Variants in CUX2 observed in about 807,000 individuals in gnomAD.
CUX2 encodes homeobox protein cut-like 2.
Under a neutral mutation model 144.8 loss-of-function variants are expected in CUX2, and 40 were observed. The observed-to-expected ratio is 0.28, with a 90% CI of 0.21 to 0.36. The LOEUF (loss-of-function observed/expected upper bound fraction) is 0.36. Ranked by LOEUF, CUX2 falls within the 10% of genes least tolerant of loss-of-function variation. The pLI, the probability that CUX2 is intolerant of heterozygous loss-of-function variation, is 1.00. For missense variants in CUX2, 1,615 were observed against 1,994.0 expected (o/e 0.81, Z 3.62); for synonymous variants, 827 against 875.6 (o/e 0.94, Z 0.98).
At chr12:111,200,971 C>T (rs1309300669) in intron 1 of CUX2, among the ~76,000 whole-genome samples, 5 of 152,180 alleles carry the variant, frequency 3.3e-5, no homozygotes, top group African/African-American at 1.2e-4. Context: ...TCCTTGCTCT[C>T]ATTTAAACAA....
chr12:111,326,672 G>A (rs1592972683), intron 18 of CUX2, among the ~76,000 whole-genome samples: 1 of 152,060 alleles, frequency 6.6e-6, no homozygotes, highest in Non-Finnish European at 1.5e-5. Flanking sequence ...GGGAGGCCGA[G>A]GCGGGCCGAT....
chr12:111,159,838 A>G (rs1250928513), intron 1 of CUX2, among the ~76,000 whole-genome samples: 1 of 152,232 alleles, frequency 6.6e-6, no homozygotes, highest in African/African-American at 2.4e-5. Flanking sequence ...CAGCCTGGCC[A>G]ACATGGTGAA....
Position 111,249,381 on chromosome 12 carries a change from A to G in CUX2, c.223-14380A>G, listed in dbSNP as rs1000187641. On this transcript the variant is annotated intron_variant, in intron 3 of 21. Coordinates refer to ENST00000261726, the MANE Select transcript of CUX2 (RefSeq NM_015267.4). ...AACTGACATGATAAGCACTGAGAAA[A>G]AGTCCCGGGTGCTATTGCCTTTTTT... Among the ~76,000 whole-genome samples, 15 of 150,468 alleles carry G rather than the reference A, an allele frequency of 1.0e-4. No homozygotes were observed. The South Asian group carries it at 1.9e-3, about 19-fold the overall frequency.
chr12:111,124,953 A>G (rs954196925), intron 1 of CUX2, among the ~76,000 whole-genome samples: 1 of 152,068 alleles, frequency 6.6e-6, no homozygotes, highest in Non-Finnish European at 1.5e-5. Context: ...CTAATGATTC[A>G]CCTTGGGGAA....
At chr12:111,052,085 C>G (rs533559788) in intron 1 of CUX2, among the ~76,000 whole-genome samples, 2 of 152,074 alleles carry the variant, frequency 1.3e-5, no homozygotes, top group Non-Finnish European at 2.9e-5. Context: ...TCCAGTCACA[C>G]GTGTCTTCTT....
chr12:111,164,266 G>C (rs1877974886), intron 1 of CUX2, among the ~76,000 whole-genome samples: 1 of 152,142 alleles, frequency 6.6e-6, no homozygotes, highest in Non-Finnish European at 1.5e-5. Context: ...GGGACACTTG[G>C]TGTTTGTTGA....
rs1259294051 is a variant in CUX2, at chr12:111,334,476, C to T, written c.2962C>T (p.Pro988Ser). The change falls in exon 19 of 22, where the codon CCC (proline) becomes TCC (serine). Residue 988 changes from proline to serine, a missense_variant. Coordinates refer to ENST00000261726, the MANE Select transcript of CUX2 (RefSeq NM_015267.4). The stretch of plus-strand genomic sequence containing the variant: ...AGAACCAAGGTCCTCACCATCCCCA[C>T]CCCCCAGCCCCACAGAGCCTGAGAA... ...PTEPRSSPSPPPSPTEPEKSS... is the reference protein window; with the variant it reads ...PTEPRSSPSPSPSPTEPEKSS... 5 of 1,603,796 alleles carry T rather than the reference C, an allele frequency of 3.1e-6. No homozygotes were observed. In the South Asian group the frequency reaches 3.3e-5, roughly 11 times the overall value.
At position 111,303,078 on chromosome 12, in the gene CUX2, C is replaced by T. The variant is rs557567481; in HGVS notation, c.754-1132C>T. ...TCTATTAAAACTACAAAAATTAACC[C>T]GTCATGGTAGTGCACACCTGTAATC... is the stretch of plus-strand genomic sequence containing the variant. On this transcript the variant is annotated intron_variant, in intron 9 of 21. Transcript: ENST00000261726. 6.8e-5 allele frequency among the ~76,000 whole-genome samples: 10 copies of T among 148,044 alleles called. No homozygotes were observed. In the South Asian group the frequency reaches 1.1e-3, roughly 16 times the overall value.
intron 1 of CUX2, among the ~76,000 whole-genome samples, chr12:111,137,502 T>C (rs1049135170): frequency 7.2e-5 from 11 of 152,116 alleles, no homozygotes; most frequent in African/African-American, 1.4e-4. Context: ...TTATAAACTT[T>C]ATTTATTTAC....
At chr12:111,102,183 G>A (rs1395849770) in intron 1 of CUX2, among the ~76,000 whole-genome samples, 1 of 152,184 alleles carries the variant, frequency 6.6e-6, no homozygotes. Context: ...TATGGGGTGG[G>A]TGTCCTGCGT....
chr12:111,148,821 A>AC (rs1359823231), intron 1 of CUX2, among the ~76,000 whole-genome samples: 1 of 152,074 alleles, frequency 6.6e-6, no homozygotes, highest in African/African-American at 2.4e-5. Flanking sequence ...ATACAGTGAG[A>AC]CCCCTTCTCT....
chr12:111,136,186 G>A (rs1184850169), intron 1 of CUX2, among the ~76,000 whole-genome samples: 1 of 151,922 alleles, frequency 6.6e-6, no homozygotes, highest in Non-Finnish European at 1.5e-5. Context: ...AACATCGCGT[G>A]TTCCTGCACG....
intron 4 of CUX2, among the ~76,000 whole-genome samples, chr12:111,266,315 A>C (rs1005772464): frequency 5.3e-5 from 8 of 152,076 alleles, no homozygotes; most frequent in Non-Finnish European, 1.2e-4. Flanking sequence ...CATGTCTACT[A>C]AAAATACAAA....
chr12:111,088,526 G>A (rs1321130241), intron 1 of CUX2, among the ~76,000 whole-genome samples: 2 of 152,066 alleles, frequency 1.3e-5, no homozygotes, highest in Non-Finnish European at 2.9e-5. Flanking sequence ...ACGATGTGAC[G>A]CATTAACTGG....
chr12:111,317,526 T>G (rs955275613), intron 16 of CUX2, among the ~76,000 whole-genome samples: 3 of 152,142 alleles, frequency 2.0e-5, no homozygotes, highest in Non-Finnish European at 4.4e-5. Context: ...TTTAGAAAAT[T>G]CCCAATAACT....
chr12:111,199,303 G>A (rs909424661), intron 1 of CUX2, among the ~76,000 whole-genome samples: 21 of 152,282 alleles, frequency 1.4e-4, no homozygotes, highest in African/African-American at 4.6e-4. Context: ...ATTCGAACTC[G>A]GGCTTTCCTG....
At chr12:111,331,802 G>A (rs923979656) in intron 18 of CUX2, among the ~76,000 whole-genome samples, 5 of 152,006 alleles carry the variant, frequency 3.3e-5, no homozygotes, top group East Asian at 1.9e-4. Flanking sequence ...AAATGGGCCC[G>A]GCATGGTAGT....
At chr12:111,172,268 A>G (rs1238784559) in intron 1 of CUX2, among the ~76,000 whole-genome samples, 2 of 152,228 alleles carry the variant, frequency 1.3e-5, no homozygotes, top group Admixed American at 6.5e-5. Context: ...CTGAACCAGA[A>G]CTAAATAAAA....
chr12:111,135,989 G>C (rs1451415204), intron 1 of CUX2, among the ~76,000 whole-genome samples: 1 of 152,218 alleles, frequency 6.6e-6, no homozygotes, highest in Admixed American at 6.5e-5. Flanking sequence ...GTGTCTGGTT[G>C]ACTGAAGGAG....
Sources: gnomAD v4.1 joint callset for allele counts (sites outside exome capture counted in the v4.1 genomes callset) on GRCh38, gnomAD v4.1.1 for gene constraint, MANE v1.5 for transcripts, NCBI Gene and HGNC (gene_info 2026-07-23, HGNC 2026-07-21) for gene names.